PAM: variants seen among roughly 807,000 people sequenced by gnomAD.
The protein encoded by PAM is peptidylglycine alpha-amidating monooxygenase, also known as peptidyl-glycine alpha-amidating monooxygenase.
Under a neutral mutation model 122.1 loss-of-function variants are expected in PAM, and 72 were observed. That is an observed-to-expected ratio of 0.59 (90% confidence interval 0.49 to 0.72). PAM has a LOEUF of 0.72. Among genes scored for constraint, PAM ranks in the 30% least tolerant of loss-of-function variants. The pLI is 0.00. For synonymous variants in PAM, 389 were observed against 404.4 expected, an observed-to-expected ratio of 0.96 and a Z score of 0.46; for missense variants, 1,106 against 1,183.7, an observed-to-expected ratio of 0.93 and a Z score of 0.96.
At chr5:103,030,450 T>G (rs1786094127), downstream of PAM, 1 of 152,216 alleles carries the variant, frequency 6.6e-6, no homozygotes, top group South Asian at 2.1e-4. Context: ...GGCATCATAG[T>G]AGTTGGAATA....
chr5:102,952,754 C>T (rs977915833), intron 12 of PAM, among the ~76,000 whole-genome samples: 9 of 152,158 alleles, frequency 5.9e-5, no homozygotes, highest in African/African-American at 2.2e-4. Context: ...TAGATGATTA[C>T]AGGATCACAG....
intron 1 of PAM, among the ~76,000 whole-genome samples, chr5:102,759,357 A>T (rs550585210): frequency 6.6e-6 from 1 of 152,292 alleles, no homozygotes; most frequent in African/African-American, 2.4e-5. Context: ...GACCAAAGGG[A>T]GCATGATGCC....
At chr5:102,885,166 A>G (rs2151191408) in intron 3 of PAM, among the ~76,000 whole-genome samples, 1 of 151,712 alleles carries the variant, frequency 6.6e-6, no homozygotes. Context: ...CAAACTCCTA[A>G]CAAAAACTGC....
intron 1 of PAM, among the ~76,000 whole-genome samples, chr5:102,758,964 C>T (rs1315638276): frequency 6.6e-6 from 1 of 152,170 alleles, no homozygotes; most frequent in Non-Finnish European, 1.5e-5. Context: ...TTCATTTATG[C>T]AACAAGTGTT....
At chr5:102,899,766 G>T (rs1190317234) in intron 3 of PAM, among the ~76,000 whole-genome samples, 1 of 151,678 alleles carries the variant, frequency 6.6e-6, no homozygotes, top group African/African-American at 2.4e-5. Flanking sequence ...AGTGGGTCCA[G>T]TGTGAAGTGA....
At chr5:102,759,304 A>G (rs376477736) in intron 1 of PAM, among the ~76,000 whole-genome samples, 6 of 152,146 alleles carry the variant, frequency 3.9e-5, no homozygotes, top group Non-Finnish European at 5.9e-5. Flanking sequence ...GACCTGAAGC[A>G]TGAGTGGTAG....
chr5:102,988,726 AGGG>A (rs1353888069), intron 15 of PAM, among the ~76,000 whole-genome samples: 4,034 of 151,920 alleles, frequency 0.027, 166 homozygotes, highest in African/African-American at 0.091. Flanking sequence ...AAAAGAAAAA[AGGG>A]AAGGAAGGGA....
At chr5:102,939,990 C>A (rs1754567764) in intron 7 of PAM, among the ~76,000 whole-genome samples, 1 of 151,962 alleles carries the variant, frequency 6.6e-6, no homozygotes, top group Non-Finnish European at 1.5e-5. Flanking sequence ...TGCCAGGTTA[C>A]CCTCCCTTTG....
chr5:102,898,144 C>T (rs1796695959), intron 3 of PAM, among the ~76,000 whole-genome samples: 1 of 151,526 alleles, frequency 6.6e-6, no homozygotes, highest in East Asian at 1.9e-4. Context: ...CCAGTAGCAT[C>T]AGTAAAAAGG....
intron 7 of PAM, among the ~76,000 whole-genome samples, chr5:102,939,907 A>G (rs1388198358): frequency 6.6e-6 from 1 of 152,018 alleles, no homozygotes; most frequent in Non-Finnish European, 1.5e-5. Context: ...TAAAAAATAT[A>G]TATATTCTTA....
intron 4 of PAM, among the ~76,000 whole-genome samples, chr5:102,910,414 T>A (rs989010927): frequency 1.3e-5 from 2 of 151,876 alleles, no homozygotes; most frequent in Non-Finnish European, 2.9e-5. Context: ...GTCATCAGAT[T>A]TCCTTTAATT....
At chr5:102,815,477 C>G (rs539698886) in intron 1 of PAM, among the ~76,000 whole-genome samples, 1 of 152,270 alleles carries the variant, frequency 6.6e-6, no homozygotes, top group Non-Finnish European at 1.5e-5. Context: ...TCCTTTTCAG[C>G]TAGCTAGAAT....
chr5:102,815,129 T>C (rs1769353850), intron 1 of PAM, among the ~76,000 whole-genome samples: 1 of 151,980 alleles, frequency 6.6e-6, no homozygotes. Context: ...CACACTGGGG[T>C]CTCCCCGTCA....
chr5:102,926,533 C>G, intron 6 of PAM, 52 bp from the exon 7 acceptor site: 1 of 981,182 alleles, frequency 1.0e-6, no homozygotes, highest in Non-Finnish European at 1.6e-6. Flanking sequence ...TTGAGATTAA[C>G]TCCATTTTAG....
At chr5:102,908,630 G>C (rs922740001) in intron 4 of PAM, among the ~76,000 whole-genome samples, 1 of 151,470 alleles carries the variant, frequency 6.6e-6, no homozygotes, top group Non-Finnish European at 1.5e-5. Flanking sequence ...TGACGAGTTA[G>C]TGGGTGCAGC....
intron 1 of PAM, among the ~76,000 whole-genome samples, chr5:102,763,134 C>A (rs559976490): frequency 9.6e-4 from 146 of 152,304 alleles, no homozygotes; most frequent in Non-Finnish European, 1.6e-3. Flanking sequence ...TAAACAGACT[C>A]TCTTGGTCCC....
At position 102,822,064 on chromosome 5, in the gene PAM, G is replaced by C. The variant is rs567941521; in HGVS notation, c.-373-43759G>C. 2.2e-3 allele frequency among the ~76,000 whole-genome samples: 328 copies of C among 152,208 alleles called. 1 individual carries two copies. Among genetic ancestry groups the C allele is most frequent in the African/African-American group, 7.4e-3 (309 of 41,508 alleles). On this transcript the variant is annotated intron_variant, in intron 1 of 25. Transcript: ENST00000438793. ...AGTGATGGTAGTTGTAGTGGTGATG[G>C]GTTAAATCCAGAGATAAAGGTCTTC... is the stretch of plus-strand genomic sequence containing the variant.
chr5:102,784,317 A>T lies in PAM; in HGVS notation c.-374+28969A>T, dbSNP rs115599769. ...CCTAAGCTGCTCCTGCCTATGTGCT[A>T]TTGGGTCAAGCTGTTTTGGTGGGCT... On this transcript the variant is annotated intron_variant, in intron 1 of 25. Transcript: ENST00000438793. Among the ~76,000 whole-genome samples, 793 of 152,184 alleles carry T rather than the reference A, an allele frequency of 5.2e-3. 1 individual carries two copies. The highest frequency in any genetic ancestry group is 9.3e-3 in the Non-Finnish European group (635 of 67,994).
chr5:102,969,818 G>A (rs1765277250), intron 14 of PAM, among the ~76,000 whole-genome samples: 1 of 152,148 alleles, frequency 6.6e-6, no homozygotes, highest in South Asian at 2.1e-4. Context: ...TCCAGGCTTG[G>A]TAGTCATGTG....
Sources: gnomAD v4.1 joint callset for allele counts (sites outside exome capture counted in the v4.1 genomes callset) on GRCh38, gnomAD v4.1.1 for gene constraint, MANE v1.5 for transcripts, NCBI Gene and HGNC (gene_info 2026-07-23, HGNC 2026-07-21) for gene names.